The following MROH7 variants were observed in gnomAD, a reference collection of about 807,000 sequenced individuals.
The protein encoded by MROH7 is maestro heat like repeat family member 7, also known as maestro heat-like repeat-containing protein family member 7.
MROH7 carries 113 observed loss-of-function variants against 129.2 expected under a neutral mutation model. The observed-to-expected ratio is 0.87, with a 90% CI of 0.75 to 1.02. The LOEUF is 1.02. Ranked by LOEUF, MROH7 falls within the 50% of genes least tolerant of loss-of-function variation. The pLI is 0.00. For missense variants in MROH7, 1,601 were observed against 1,671.3 expected (o/e 0.96, Z 0.73); for synonymous variants, 655 against 667.9 (o/e 0.98, Z 0.30).
chr1:54,655,171 C>T (rs113743520), intron 3 of MROH7, among the ~76,000 whole-genome samples: 18 of 151,878 alleles, frequency 1.2e-4, no homozygotes, highest in African/African-American at 3.9e-4. Flanking sequence ...CCCACCACCA[C>T]GCCCAGCTAA....
At chr1:54,695,867 G>T in intron 17 of MROH7, 1 of 339,450 alleles carries the variant, frequency 2.9e-6, no homozygotes, top group South Asian at 2.3e-5. Context: ...TGAGTGATTT[G>T]TACTATGATG....
intron 7 of MROH7, among the ~76,000 whole-genome samples, chr1:54,672,425 T>A (rs941386441): frequency 6.6e-6 from 1 of 151,716 alleles, no homozygotes; most frequent in Non-Finnish European, 1.5e-5. Context: ...TCAGAGTAAC[T>A]CAAACCCACT....
chr1:54,668,416 C>T (rs904947884), intron 4 of MROH7, among the ~76,000 whole-genome samples: 1 of 152,098 alleles, frequency 6.6e-6, no homozygotes, highest in Non-Finnish European at 1.5e-5. Flanking sequence ...CTTCTTCTCC[C>T]TTAACATGAT....
rs780618226 is a variant in MROH7, at chr1:54,703,179, C to T, written c.3564+434C>T. Among the ~76,000 whole-genome samples, 7 of 152,104 alleles carry T rather than the reference C, an allele frequency of 4.6e-5. No individual in the cohort carries two copies. Among genetic ancestry groups the T allele is most frequent in the Admixed American group, 2.0e-4 (3 of 15,266 alleles). On this transcript the variant is annotated intron_variant, in intron 21 of 23. Transcript: ENST00000421030. The surrounding 1 kb of genome is among the most constrained non-coding windows in gnomAD (Gnocchi z 4.4). The stretch of plus-strand genomic sequence containing the variant: ...CATCGTTGCCCTTAATTCAGGGCAC[C>T]GACACCCCTCAGTTAGGCTATTGGC...
In MROH7 at chr1:54,665,161, C is replaced by T. The variant is rs771177559; in HGVS notation, c.1232-6C>T. On this transcript the variant is annotated splice_polypyrimidine_tract_variant and splice_region_variant and intron_variant, in intron 3 of 23. Transcript: ENST00000421030. ...TCCACCTTCTCATTGAAATCGTGCC[C>T]TGCAGGAGCCTTTGATGAAGTGACC... 1.9e-6 allele frequency: 3 copies of T among 1,613,102 alleles called. No individual in the cohort carries two copies. The highest frequency in any genetic ancestry group is 1.7e-6 in the Non-Finnish European group (2 of 1,179,230).
At chr1:54,680,167 T>C in intron 13 of MROH7, 122 bp downstream of exon 13, 2 of 811,618 alleles carry the variant, frequency 2.5e-6, no homozygotes, top group Non-Finnish European at 2.0e-6. Context: ...CCCCCTTCTG[T>C]GATCTGGGGT....
At position 54,681,948 on chromosome 1, in the gene MROH7, A is replaced by T. The variant is rs1045110588; in HGVS notation, c.2382-708A>T. 4.6e-5 allele frequency among the ~76,000 whole-genome samples: 7 copies of T among 152,260 alleles called. No individual in the cohort carries two copies. In the East Asian group the frequency reaches 1.2e-3, roughly 25 times the overall value. ...TCTGAGCCTCAATTCCTCATTTGTA[A>T]AATGGGAATAACAACACTCACCTTA... On this transcript the variant is annotated intron_variant, in intron 13 of 23. Coordinates refer to ENST00000421030, the MANE Select transcript of MROH7 (RefSeq NM_001039464.4).
chr1:54,700,542 C>G (rs1645419102), intron 18 of MROH7, 81 bp downstream of exon 18: 3 of 1,357,138 alleles, frequency 2.2e-6, no homozygotes, highest in Non-Finnish European at 3.0e-6. Context: ...TATAGTACCT[C>G]AGAAGCCCAC....
chr1:54,710,227 C>T lies in MROH7; in HGVS notation c.*40C>T, dbSNP rs760544006. 23 of 1,596,650 alleles carry T rather than the reference C, an allele frequency of 1.4e-5. No individual in the cohort carries two copies. The South Asian group carries it at 2.5e-4, about 18-fold the overall frequency. ...AAACCCTCCTCAGGGTGGTTGAGTT[C>T]CAGCCATGCTCCCTATAAATGTCAT... On this transcript the variant is annotated 3_prime_UTR_variant, in exon 24 of 24. Transcript: ENST00000421030.
intron 15 of MROH7, among the ~76,000 whole-genome samples, chr1:54,687,427 C>T (rs1645166563): frequency 6.6e-6 from 1 of 152,218 alleles, no homozygotes; most frequent in Admixed American, 6.5e-5. Context: ...TATAGGATCC[C>T]AGTGCACCAT....
intron 21 of MROH7, among the ~76,000 whole-genome samples, chr1:54,705,428 A>G (rs564425318): frequency 6.6e-6 from 1 of 152,332 alleles, no homozygotes; most frequent in South Asian, 2.1e-4. Context: ...GTGGGGGGAC[A>G]TCAGTATAAA....
Position 54,654,046 on chromosome 1 carries a change from C to T in MROH7, c.1120C>T (p.Leu374=). 6.2e-7 allele frequency: 1 copy of T among 1,614,238 alleles called. No individual in the cohort carries two copies. Among genetic ancestry groups the T allele is most frequent in the Non-Finnish European group, 8.5e-7 (1 of 1,180,038 alleles). ...SIHTVPLEEN[L]ESWSEMASIK... is the part of the protein sequence containing the mutation. ...CCACACTGTGCCCCTGGAGGAGAAT[C>T]TGGAGAGTTGGAGTGAGATGGCCAG... The change falls in exon 3 of 24, where the codon CTG becomes TTG. Residue 374 remains leucine, a synonymous_variant. Transcript: ENST00000421030.
intron 10 of MROH7, among the ~76,000 whole-genome samples, chr1:54,675,071 G>A (rs924927650): frequency 3.9e-5 from 6 of 152,150 alleles, no homozygotes; most frequent in African/African-American, 1.4e-4. Context: ...TGCCACCTGG[G>A]TTCAAATGAT....
Position 54,696,956 on chromosome 1 carries a change from G to A in MROH7, c.2964+1466G>A, listed in dbSNP as rs142263708. 8.5e-5 allele frequency among the ~76,000 whole-genome samples: 13 copies of A among 152,212 alleles called. No homozygotes were observed. The East Asian group carries it at 1.7e-3, about 20-fold the overall frequency. ...CAAAGTGCTGGAATTACAGGTGTGA[G>A]CCACCACGCCTAGTCAAAATTTCCT... On this transcript the variant is annotated intron_variant, in intron 17 of 23. Coordinates refer to ENST00000421030, the MANE Select transcript of MROH7 (RefSeq NM_001039464.4).
intron 15 of MROH7, 148 bp downstream of exon 15, chr1:54,686,596 C>T (rs975361177): frequency 2.9e-6 from 2 of 698,282 alleles, no homozygotes; most frequent in African/African-American, 3.6e-5. Context: ...TTTATTAGAG[C>T]CAATAATTCA....
At chr1:54,680,754 T>C (rs1645056622) in intron 13 of MROH7, among the ~76,000 whole-genome samples, 2 of 152,212 alleles carry the variant, frequency 1.3e-5, no homozygotes, top group African/African-American at 4.8e-5. Context: ...CAGTGAGTGA[T>C]CCACACCTTC....
intron 6 of MROH7, 32 bp downstream of exon 6, chr1:54,670,608 C>T (rs765629694): frequency 1.9e-6 from 3 of 1,588,182 alleles, no homozygotes; most frequent in South Asian, 2.3e-5. Context: ...TTCCCACAGC[C>T]CCTCTCCTCT....
At position 54,651,391 on chromosome 1, in the gene MROH7, G is replaced by T. The variant is rs555605438; in HGVS notation, c.-109-558G>T. 7 of 152,372 alleles carry T rather than the reference G, an allele frequency of 4.6e-5. No homozygotes were observed. The East Asian group carries it at 1.2e-3, about 25-fold the overall frequency. The allele number at this position is 152,372 out of a possible 1,614,324, so 9.4% of individuals were successfully genotyped here. A position where few individuals can be genotyped will look rare whatever the true frequency, so the allele number is the denominator to read the frequency against. ...CCCACCTGTCTAGGGGACCTGGAAG[G>T]CTCTTAGCATTTGAGCTGAAACCTG... On this transcript the variant is annotated intron_variant, in intron 1 of 23. Transcript: ENST00000421030.
chr1:54,642,221 G>A (rs1644399431), intron 1 of MROH7, among the ~76,000 whole-genome samples: 1 of 152,208 alleles, frequency 6.6e-6, no homozygotes, highest in Admixed American at 6.5e-5. Context: ...CATTTATTGA[G>A]GACTTGCTGT....
Sources: gnomAD v4.1 joint callset for allele counts (sites outside exome capture counted in the v4.1 genomes callset) on GRCh38, gnomAD v4.1.1 for gene constraint, Gnocchi (gnomAD v3.1) non-coding constraint, MANE v1.5 for transcripts, NCBI Gene and HGNC (gene_info 2026-07-23, HGNC 2026-07-21) for gene names.